RBMS3: variants seen among roughly 807,000 people sequenced by gnomAD.
RBMS3 encodes RNA-binding motif, single-stranded-interacting protein 3.
RBMS3 carries 27 observed loss-of-function variants against 66.8 expected under a neutral mutation model. The ratio of observed to expected loss-of-function variants is 0.40; its 90% CI spans 0.30 to 0.56. The LOEUF is 0.56. Ranked by LOEUF, RBMS3 falls within the 20% of genes least tolerant of loss-of-function variation. The probability of loss-of-function intolerance (pLI) is 0.40; values close to 1 mark genes in which losing one functional copy is unlikely to be tolerated. For missense variants in RBMS3, 513 were observed against 549.5 expected (o/e 0.93, Z 0.66); for synonymous variants, 188 against 183.0 (o/e 1.03, Z -0.22).
intron 6 of RBMS3, among the ~76,000 whole-genome samples, chr3:29,820,430 A>ATC (rs2058048981): frequency 2.0e-5 from 3 of 151,932 alleles, no homozygotes; most frequent in Non-Finnish European, 4.4e-5. Context: ...TAGAGGATTG[A>ATC]ATCTATTTGA....
At chr3:29,980,372 T>TTCTGTAGG (rs1241380493) in intron 12 of RBMS3, among the ~76,000 whole-genome samples, 1 of 152,254 alleles carries the variant, frequency 6.6e-6, no homozygotes, top group African/African-American at 2.4e-5. Flanking sequence ...TTTGCTCGCA[T>TTCTGTAGG]TCTGTAGGTC....
chr3:29,361,919 C>T (rs187778900), intron 1 of RBMS3, among the ~76,000 whole-genome samples: 2 of 152,318 alleles, frequency 1.3e-5, no homozygotes, highest in East Asian at 3.9e-4. Flanking sequence ...AAGGACTTCT[C>T]TGCATTGGTT....
intron 4 of RBMS3, among the ~76,000 whole-genome samples, chr3:29,618,703 T>C (rs1359617529): frequency 6.6e-6 from 1 of 152,104 alleles, no homozygotes; most frequent in Non-Finnish European, 1.5e-5. Flanking sequence ...ATAATATTAG[T>C]AAAAATACTT....
intron 1 of RBMS3, among the ~76,000 whole-genome samples, chr3:29,388,414 AG>A (rs2125637768): frequency 6.6e-6 from 1 of 152,296 alleles, no homozygotes; most frequent in South Asian, 2.1e-4. Context: ...AAGGTGTATG[AG>A]CTTAGATTTG....
intron 4 of RBMS3, among the ~76,000 whole-genome samples, chr3:29,665,519 T>C (rs1041073130): frequency 6.6e-6 from 1 of 152,224 alleles, no homozygotes; most frequent in Non-Finnish European, 1.5e-5. Flanking sequence ...GTCAAACTAG[T>C]TAATTTGTCA....
At chr3:29,931,494 T>C (rs944471492) in intron 10 of RBMS3, among the ~76,000 whole-genome samples, 1 of 152,204 alleles carries the variant, frequency 6.6e-6, no homozygotes, top group Non-Finnish European at 1.5e-5. Context: ...TTTTTTAAAG[T>C]TGGACTGCAC....
chr3:29,789,485 T>C (rs1399523377), intron 6 of RBMS3, among the ~76,000 whole-genome samples: 1 of 152,162 alleles, frequency 6.6e-6, no homozygotes, highest in Admixed American at 6.5e-5. Flanking sequence ...AATAATACAT[T>C]CTTTGCATAG....
chr3:29,774,442 A>G (rs1442481886), intron 6 of RBMS3, among the ~76,000 whole-genome samples: 1 of 152,096 alleles, frequency 6.6e-6, no homozygotes, highest in Non-Finnish European at 1.5e-5. Context: ...TGAAAATTGT[A>G]TCCATATATA....
chr3:29,825,852 T>G (rs984363218), intron 6 of RBMS3, among the ~76,000 whole-genome samples: 2 of 152,250 alleles, frequency 1.3e-5, no homozygotes, highest in African/African-American at 4.8e-5. Flanking sequence ...TAATGTTAAC[T>G]AATTATTAAT....
At chr3:29,381,308 T>C (rs1439042603) in intron 1 of RBMS3, among the ~76,000 whole-genome samples, 5 of 152,166 alleles carry the variant, frequency 3.3e-5, no homozygotes, top group African/African-American at 1.2e-4. Flanking sequence ...TGAATACTTA[T>C]CAACATCCTA....
chr3:29,969,289 C>G (rs1697070185), intron 12 of RBMS3, among the ~76,000 whole-genome samples: 1 of 152,162 alleles, frequency 6.6e-6, no homozygotes, highest in South Asian at 2.1e-4. Flanking sequence ...GATTTCGTCT[C>G]TTGCTTAATT....
At chr3:29,995,606 C>T (rs2125386995) in intron 14 of RBMS3, among the ~76,000 whole-genome samples, 1 of 150,960 alleles carries the variant, frequency 6.6e-6, no homozygotes, top group Middle Eastern at 3.4e-3. Flanking sequence ...GAGTGGGGGC[C>T]AATATTCAAC....
At position 29,883,026 on chromosome 3, in the gene RBMS3, T is replaced by C. The variant is rs540857900; in HGVS notation, c.745-1136T>C. Among the ~76,000 whole-genome samples the C allele has an allele frequency of 6.6e-5, 10 of 152,184 alleles. No individual in the cohort carries two copies. The South Asian group carries it at 2.1e-3, about 32-fold the overall frequency. ...TACACTATCAAAGCCAGGACATTGA[T>C]GTTGATCTAATTCAGTTTTAAATTC... On this transcript the variant is annotated intron_variant, in intron 7 of 14. Transcript: ENST00000383767.
intron 14 of RBMS3, among the ~76,000 whole-genome samples, chr3:30,002,347 A>G (rs1172868096): frequency 1.3e-5 from 2 of 151,928 alleles, no homozygotes; most frequent in Non-Finnish European, 2.9e-5. Flanking sequence ...CAATAATACC[A>G]GAGTAGAAGA....
chr3:29,321,674 C>G (rs1337584507), intron 1 of RBMS3, among the ~76,000 whole-genome samples: 1 of 152,022 alleles, frequency 6.6e-6, no homozygotes, highest in Admixed American at 6.6e-5. Flanking sequence ...AGCAGTGTTC[C>G]ATATACTTCT....
chr3:29,911,978 AATAGCTAG>A (rs1479915360), intron 10 of RBMS3, among the ~76,000 whole-genome samples: 50 of 149,908 alleles, frequency 3.3e-4, no homozygotes, highest in Non-Finnish European at 5.6e-4. Context: ...ACACATACAT[AATAGCTAG>A]ATAGATAGAT....
At chr3:29,719,460 G>C (rs894820356) in intron 4 of RBMS3, among the ~76,000 whole-genome samples, 2 of 151,938 alleles carry the variant, frequency 1.3e-5, no homozygotes, top group African/African-American at 4.8e-5. Context: ...TCAGTTCCAC[G>C]ACTGTGTTGA....
At chr3:29,899,944 T>C (rs987857925) in intron 10 of RBMS3, among the ~76,000 whole-genome samples, 189 bp downstream of exon 10, 4 of 151,308 alleles carry the variant, frequency 2.6e-5, no homozygotes, top group African/African-American at 9.7e-5. Context: ...GAGATCAACA[T>C]AGACATAGAA....
At chr3:29,796,566 G>A (rs1190487169) in intron 6 of RBMS3, among the ~76,000 whole-genome samples, 1 of 152,174 alleles carries the variant, frequency 6.6e-6, no homozygotes, top group African/African-American at 2.4e-5. Context: ...AGACTTGAAA[G>A]TAGAAATTAC....
Sources: allele counts gnomAD v4.1 joint callset (sites outside exome capture counted in the v4.1 genomes callset), GRCh38; gene constraint gnomAD v4.1.1; transcripts MANE v1.5; gene names NCBI Gene and HGNC (gene_info 2026-07-23, HGNC 2026-07-21).